Variants in LEPROTL1 observed in about 807,000 individuals in gnomAD.
The protein encoded by LEPROTL1 is leptin receptor overlapping transcript like 1.
In LEPROTL1, 6 loss-of-function variants were observed where a neutral mutation model predicts 15.4. That is an observed-to-expected ratio of 0.39 (90% CI 0.21 to 0.77). The LOEUF is 0.77. LEPROTL1 is among the 30% of genes least tolerant of loss of function. LEPROTL1 has a pLI of 0.41. For missense variants in LEPROTL1, 128 were observed against 158.1 expected (o/e 0.81, Z 1.02); for synonymous variants, 56 against 52.6 (o/e 1.06, Z -0.28).
chr8:30,132,081 AATG>A, intron 3 of LEPROTL1: 1 of 1,551,800 alleles, frequency 6.4e-7, no homozygotes. Flanking sequence ...TGATGTAGGC[AATG>A]ATCAACTGGG....
At chr8:30,112,672 T>G (rs1761334495), downstream of LEPROTL1, among the ~76,000 whole-genome samples, 1 of 152,044 alleles carries the variant, frequency 6.6e-6, no homozygotes. Context: ...CTCTTCTTGA[T>G]GCTAGTGGTG....
intron 3 of LEPROTL1, among the ~76,000 whole-genome samples, chr8:30,113,555 T>C (rs2117501213): frequency 6.6e-6 from 1 of 152,116 alleles, no homozygotes; most frequent in East Asian, 1.9e-4. Flanking sequence ...ACTTGGGGTG[T>C]GGCAGGGGAG....
intron 4 of LEPROTL1, among the ~76,000 whole-genome samples, chr8:30,133,813 A>G (rs2117535856): frequency 6.6e-6 from 1 of 151,132 alleles, no homozygotes; most frequent in Admixed American, 6.6e-5. Context: ...AAAGAAAGAG[A>G]AAAGAAAATG....
intron 3 of LEPROTL1, among the ~76,000 whole-genome samples, chr8:30,123,138 C>T (rs1802854891): frequency 6.6e-6 from 1 of 152,172 alleles, no homozygotes. Context: ...AACTCTGCCT[C>T]TCCATGGCAA....
intron 3 of LEPROTL1, among the ~76,000 whole-genome samples, chr8:30,129,263 T>C (rs1359587864): frequency 6.6e-6 from 1 of 152,218 alleles, no homozygotes; most frequent in Non-Finnish European, 1.5e-5. Flanking sequence ...ATGTTCTGAG[T>C]GCTAAGATTG....
At chr8:30,132,394 G>T in exon 4 of LEPROTL1, 1 of 1,551,742 alleles carries the variant, frequency 6.4e-7, no homozygotes, top group Non-Finnish European at 8.7e-7. Flanking sequence ...GTCTGCATCG[G>T]GGACATATCC....
At chr8:30,108,585 T>C (rs1802608949), downstream of LEPROTL1, 1 of 152,172 alleles carries the variant, frequency 6.6e-6, no homozygotes, top group Non-Finnish European at 1.5e-5. Flanking sequence ...TTAAAAAGTT[T>C]AGGCTGTGGA....
At chr8:30,133,405 T>C (rs1033852547) in intron 4 of LEPROTL1, among the ~76,000 whole-genome samples, 1 of 152,248 alleles carries the variant, frequency 6.6e-6, no homozygotes, top group Admixed American at 6.5e-5. Flanking sequence ...TGAATATGTG[T>C]GTATATTTGC....
chr8:30,120,063 C>CAGTA lies in LEPROTL1; in HGVS notation c.280-12311_280-12310insGTAA, dbSNP rs1802805367. Among the ~76,000 whole-genome samples, 4 of 100,430 alleles carry CAGTA rather than the reference C, an allele frequency of 4.0e-5. No individual in the cohort carries two copies. The Admixed American group carries it at 5.1e-4, about 13-fold the overall frequency. The allele number at this position is 100,430 out of a possible 152,430, so 65.9% of individuals were successfully genotyped here. On this transcript the variant is annotated intron_variant, in intron 3 of 4. Transcript: ENST00000442880. ...ACTGGGCAACAGAGTGAGACTCCAT[C>CAGTA]AATAAATAAATAAATAAATAAATAA... is the stretch of plus-strand genomic sequence containing the variant.
chr8:30,116,453 A>G (rs566579780), intron 3 of LEPROTL1, among the ~76,000 whole-genome samples: 28 of 152,270 alleles, frequency 1.8e-4, no homozygotes, highest in African/African-American at 6.5e-4. Context: ...GGAGCGCGCA[A>G]CCTAGATCCC....
At chr8:30,127,369 T>G (rs1802919752) in intron 3 of LEPROTL1, among the ~76,000 whole-genome samples, 1 of 152,112 alleles carries the variant, frequency 6.6e-6, no homozygotes, top group Non-Finnish European at 1.5e-5. Context: ...ATTCGGCTGA[T>G]GAAAGTGGGA....
At chr8:30,132,351 A>T in intron 3 of LEPROTL1, 3 of 1,551,754 alleles carry the variant, frequency 1.9e-6, no homozygotes, top group Non-Finnish European at 2.6e-6. Flanking sequence ...TTGAGAACAC[A>T]GATATCCTGT....
intron 1 of LEPROTL1, chr8:30,096,017 C>G (rs1802358277): frequency 1.7e-6 from 1 of 600,622 alleles, no homozygotes; most frequent in African/African-American, 1.9e-5. Flanking sequence ...AAACCTCGAC[C>G]CCACGTCCAC....
At position 30,104,311 on chromosome 8, in the gene LEPROTL1, C is replaced by T; in HGVS notation, c.104C>T (p.Pro35Leu). ...TTTTCTTTTTCTAGCAAATACTGGC[C>T]CCTCTTTGTTCTATTTTTTTACATC... ...CALPIYNKYWPLFVLFFYILS... is the reference protein window; with the variant it reads ...CALPIYNKYWLLFVLFFYILS... Residue 35 changes from proline (P) to leucine (L), a missense_variant, in exon 3 of 4, where the codon CCC (proline) becomes CTC (leucine). Physicochemically the swap from Pro to Leu is moderately conservative, Grantham distance 98. Coordinates refer to ENST00000321250, the MANE Select transcript of LEPROTL1 (RefSeq NM_015344.3). 1.3e-6 allele frequency: 2 copies of T among 1,496,728 alleles called. No homozygotes were observed. Among genetic ancestry groups the T allele is most frequent in the Non-Finnish European group, 1.8e-6 (2 of 1,116,346 alleles). 92.7% of individuals were successfully genotyped at this position (1,496,728 alleles called of 1,614,324 possible). A position where few individuals can be genotyped will look rare whatever the true frequency, so the allele number is the denominator to read the frequency against.
At chr8:30,105,545 A>C (rs1365126027) in intron 3 of LEPROTL1, among the ~76,000 whole-genome samples, 2 of 148,076 alleles carry the variant, frequency 1.4e-5, no homozygotes, top group African/African-American at 4.9e-5. Flanking sequence ...ATATATTTAT[A>C]TATATTTATA....
downstream of LEPROTL1, among the ~76,000 whole-genome samples, chr8:30,112,629 C>A (rs1315156084): frequency 6.6e-6 from 1 of 151,606 alleles, no homozygotes; most frequent in Non-Finnish European, 1.5e-5. Context: ...GGGCTACATA[C>A]CAGGTTCTGG....
intron 3 of LEPROTL1, among the ~76,000 whole-genome samples, chr8:30,120,247 G>A (rs1802809127): frequency 1.3e-5 from 2 of 152,048 alleles, no homozygotes; most frequent in African/African-American, 4.8e-5. Flanking sequence ...AGCAGATTCT[G>A]AGTTGGAAAA....
intron 2 of LEPROTL1, among the ~76,000 whole-genome samples, chr8:30,103,258 G>T (rs895137526): frequency 6.6e-6 from 1 of 152,166 alleles, no homozygotes; most frequent in Non-Finnish European, 1.5e-5. Flanking sequence ...AAGACATATT[G>T]TTAGAAAACT....
intron 1 of LEPROTL1, among the ~76,000 whole-genome samples, chr8:30,100,010 G>A (rs541108269): frequency 4.6e-5 from 7 of 152,332 alleles, no homozygotes; most frequent in South Asian, 4.1e-4. Context: ...TTTCCTTACA[G>A]TTTATATTGC....
Sources: gnomAD v4.1 joint callset for allele counts (sites outside exome capture counted in the v4.1 genomes callset) on GRCh38, gnomAD v4.1.1 for gene constraint, MANE v1.5 for transcripts, NCBI Gene and HGNC (gene_info 2026-07-23, HGNC 2026-07-21) for gene names.